The following CSTPP1 variants were observed in gnomAD, a reference collection of about 807,000 sequenced individuals.
CSTPP1 encodes centriolar satellite-associated tubulin polyglutamylase complex regulator 1.
At chr11:46,961,804 A>T in the CSTPP1 span, among the ~76,000 whole-genome samples, 1 of 151,948 alleles carries the variant, frequency 6.6e-6, no homozygotes, top group Non-Finnish European at 1.5e-5. Context: ...AGCACCATTT[A>T]AAAAAAAGAC....
At chr11:47,038,719 G>A in the CSTPP1 span, among the ~76,000 whole-genome samples, 1 of 124,952 alleles carries the variant, frequency 8.0e-6, no homozygotes, top group African/African-American at 2.5e-5. Flanking sequence ...GTGGCTCCCG[G>A]GCAGAGACGC....
the CSTPP1 span, among the ~76,000 whole-genome samples, chr11:47,011,373 A>G: frequency 2.6e-3 from 397 of 152,332 alleles, no homozygotes; most frequent in African/African-American, 9.2e-3. Context: ...GAACTTTACA[A>G]CTATTGACTT....
the CSTPP1 span, among the ~76,000 whole-genome samples, chr11:46,940,162 T>C: frequency 1.3e-5 from 2 of 152,260 alleles, no homozygotes; most frequent in Non-Finnish European, 2.9e-5. Flanking sequence ...CGTGAGCCAC[T>C]GCGCCTGGCC....
At chr11:47,157,216 C>G in the CSTPP1 span, 12 of 1,575,174 alleles carry the variant, frequency 7.6e-6, no homozygotes, top group Non-Finnish European at 1.0e-5. Flanking sequence ...GGCACAAGTA[C>G]AGGTGAGGAA....
At chr11:47,052,669 A>T in the CSTPP1 span, 5 of 1,086,754 alleles carry the variant, frequency 4.6e-6, no homozygotes, top group African/African-American at 8.1e-5. Context: ...GTTTGAATGC[A>T]TGCTATTCAA....
the CSTPP1 span, among the ~76,000 whole-genome samples, chr11:47,034,998 C>G: frequency 6.6e-6 from 1 of 152,138 alleles, no homozygotes; most frequent in Non-Finnish European, 1.5e-5. Context: ...AATGACTTCA[C>G]TTTTTCTCAG....
the CSTPP1 span, among the ~76,000 whole-genome samples, chr11:46,948,683 C>T: frequency 6.6e-6 from 1 of 152,180 alleles, no homozygotes; most frequent in South Asian, 2.1e-4. Flanking sequence ...CTCATGACAT[C>T]ATTTACAATG....
At chr11:47,115,597 G>C in the CSTPP1 span, among the ~76,000 whole-genome samples, 2 of 151,988 alleles carry the variant, frequency 1.3e-5, no homozygotes, top group African/African-American at 2.4e-5. Flanking sequence ...GTTTATTTGC[G>C]TAAATGTGTT....
the CSTPP1 span, chr11:47,161,630 G>A: frequency 6.2e-7 from 1 of 1,611,518 alleles, no homozygotes; most frequent in Non-Finnish European, 8.5e-7. Flanking sequence ...AGACGAGTCG[G>A]AGACTTGAGG....
the CSTPP1 span, among the ~76,000 whole-genome samples, chr11:46,990,928 A>C: frequency 6.6e-6 from 1 of 152,164 alleles, no homozygotes; most frequent in Non-Finnish European, 1.5e-5. Flanking sequence ...TGTCAAAGAT[A>C]AGATTGTTTT....
the CSTPP1 span, among the ~76,000 whole-genome samples, chr11:47,138,392 T>C: frequency 2.0e-5 from 3 of 152,010 alleles, no homozygotes; most frequent in Non-Finnish European, 4.4e-5. Context: ...GAGATTTAGG[T>C]GGGAACACAA....
the CSTPP1 span, chr11:47,155,478 T>C: frequency 2.5e-5 from 15 of 593,656 alleles, no homozygotes; most frequent in Non-Finnish European, 4.5e-5. Context: ...CTGAAGACAC[T>C]GAACACCGCA....
At chr11:46,988,976 A>AT in the CSTPP1 span, among the ~76,000 whole-genome samples, 1 of 152,184 alleles carries the variant, frequency 6.6e-6, no homozygotes, top group Non-Finnish European at 1.5e-5. Flanking sequence ...TCAAACCCGT[A>AT]ATCCCAGCAC....
chr11:47,161,428 C>T, the CSTPP1 span: 3 of 1,611,436 alleles, frequency 1.9e-6, no homozygotes, highest in South Asian at 3.3e-5. Flanking sequence ...GTACAGGAGG[C>T]CTCTCGCTGC....
chr11:47,138,992 A>C, the CSTPP1 span, among the ~76,000 whole-genome samples: 1 of 148,034 alleles, frequency 6.8e-6, no homozygotes, highest in African/African-American at 2.5e-5. Context: ...AAAAAAAAAA[A>C]AAAAAAAAAA....
chr11:47,102,711 A>C, the CSTPP1 span, among the ~76,000 whole-genome samples: 1 of 152,224 alleles, frequency 6.6e-6, no homozygotes, highest in African/African-American at 2.4e-5. Flanking sequence ...AAGCATGGGC[A>C]AGCTGCACAT....
chr11:47,127,062 A>G, the CSTPP1 span, among the ~76,000 whole-genome samples: 1 of 152,204 alleles, frequency 6.6e-6, no homozygotes, highest in Admixed American at 6.5e-5. Flanking sequence ...AAGGAAAAGC[A>G]GGTTGGGTTC....
At chr11:47,117,457 C>T in the CSTPP1 span, among the ~76,000 whole-genome samples, 2 of 152,096 alleles carry the variant, frequency 1.3e-5, no homozygotes, top group African/African-American at 2.4e-5. Context: ...GAATATTGGC[C>T]CCCACTCTCT....
the CSTPP1 span, among the ~76,000 whole-genome samples, chr11:47,120,266 T>G: frequency 1.3e-5 from 2 of 152,146 alleles, no homozygotes; most frequent in Non-Finnish European, 2.9e-5. This position sits in a 1 kb window ranked among gnomAD's most constrained non-coding sequence, Gnocchi z 4.2. Context: ...GAACGTTTTT[T>G]TAACTGTGTA....
Sources: gnomAD v4.1 joint callset for allele counts (sites outside exome capture counted in the v4.1 genomes callset) on GRCh38, gnomAD v4.1.1 for gene constraint, Gnocchi (gnomAD v3.1) non-coding constraint, MANE v1.5 for transcripts, NCBI Gene and HGNC (gene_info 2026-07-23, HGNC 2026-07-21) for gene names.